DLG1: variants seen among roughly 807,000 people sequenced by gnomAD.
The protein encoded by DLG1 is disks large homolog 1.
Under a neutral mutation model 123.4 loss-of-function variants are expected in DLG1, and 42 were observed. The observed-to-expected ratio is 0.34, with a 90% CI of 0.27 to 0.44. The LOEUF is 0.44. Among genes scored for constraint, DLG1 ranks in the 20% least tolerant of loss-of-function variants. DLG1 has a pLI of 1.00. For synonymous variants in DLG1, 317 were observed against 356.2 expected, an observed-to-expected ratio of 0.89 and a Z score of 1.24; for missense variants, 942 against 1,082.6, an observed-to-expected ratio of 0.87 and a Z score of 1.82.
At chr3:197,171,268 C>T (rs1804053377) in intron 5 of DLG1, among the ~76,000 whole-genome samples, 1 of 152,104 alleles carries the variant, frequency 6.6e-6, no homozygotes, top group African/African-American at 2.4e-5. Flanking sequence ...TCAACGGGGG[C>T]CCAGTACCTT....
At chr3:197,183,589 T>C in intron 5 of DLG1, 1 of 1,550,454 alleles carries the variant, frequency 6.4e-7, no homozygotes, top group Non-Finnish European at 8.7e-7. Context: ...GTGGAGCTGG[T>C]GGCTACCGAG....
chr3:197,290,738 T>C (rs1340627612), intron 3 of DLG1, among the ~76,000 whole-genome samples: 1 of 151,336 alleles, frequency 6.6e-6, no homozygotes, highest in Non-Finnish European at 1.5e-5. Flanking sequence ...AACACCTGTC[T>C]CTAGAAAAAG....
intron 4 of DLG1, among the ~76,000 whole-genome samples, chr3:197,265,019 C>T (rs943449517): frequency 1.3e-5 from 2 of 152,146 alleles, no homozygotes; most frequent in Non-Finnish European, 2.9e-5. Flanking sequence ...GGTTTTAAGG[C>T]TGTACTCAGG....
At chr3:197,135,702 T>C (rs918357209) in intron 10 of DLG1, among the ~76,000 whole-genome samples, 2 of 152,088 alleles carry the variant, frequency 1.3e-5, no homozygotes, top group Non-Finnish European at 2.9e-5. Flanking sequence ...TAAAGCAATA[T>C]TGAGTGAAAA....
At chr3:197,065,840 T>C (rs765431066) in intron 20 of DLG1, 31 bp from the exon 21 acceptor site, 11 of 1,281,720 alleles carry the variant, frequency 8.6e-6, no homozygotes, top group Non-Finnish European at 1.2e-5. Flanking sequence ...TTAAAAGGAA[T>C]AAACATTCAA....
At chr3:197,219,750 A>G (rs2150490181) in intron 4 of DLG1, among the ~76,000 whole-genome samples, 1 of 152,316 alleles carries the variant, frequency 6.6e-6, no homozygotes, top group South Asian at 2.1e-4. Context: ...ATATGCATGC[A>G]CGGAGGAAAG....
Position 197,069,998 on chromosome 3 carries a change from A to AGG in DLG1, c.2006-739_2006-738insCC, listed in dbSNP as rs1742502951. ...CTGGCTGGCTTTTGCAAAACATAAA[A>AGG]AAGACAATGAGAACAAACACACCCA... On this transcript the variant is annotated intron_variant, in intron 18 of 24. Transcript: ENST00000667157. 28 of 152,174 alleles carry AGG rather than the reference A, an allele frequency of 1.8e-4. 1 individual carries two copies. The highest frequency in any genetic ancestry group is 1.8e-3 in the Admixed American group (28 of 15,278). 9.4% of individuals were successfully genotyped at this position (152,174 alleles called of 1,614,324 possible).
intron 4 of DLG1, chr3:197,226,420 T>A (rs10461048): frequency 0.24 from 36,743 of 152,142 alleles, 5,628 homozygotes; most frequent in East Asian, 0.71. Context: ...GGGGCAAAGA[T>A]GTTGCAGCAA....
chr3:197,068,973 T>C (rs1741604751), intron 19 of DLG1, among the ~76,000 whole-genome samples: 1 of 151,122 alleles, frequency 6.6e-6, no homozygotes, highest in South Asian at 2.1e-4. Flanking sequence ...AAAAAATACA[T>C]ATACATATAC....
intron 1 of DLG1, chr3:197,298,235 CTTCGGGT>C: frequency 2.9e-6 from 1 of 340,770 alleles, no homozygotes; most frequent in Non-Finnish European, 5.3e-6. Context: ...GCGCTGCTAC[CTTCGGGT>C]TGGAAGGGGG....
At chr3:197,127,517 CGTAA>C (rs1253190265) in intron 11 of DLG1, among the ~76,000 whole-genome samples, 4 of 104,724 alleles carry the variant, frequency 3.8e-5, no homozygotes, top group Non-Finnish European at 7.5e-5. Flanking sequence ...CCTAAAAATA[CGTAA>C]GTACTTTAAG....
chr3:197,189,437 T>C (rs1028987789), intron 5 of DLG1, among the ~76,000 whole-genome samples: 5 of 152,344 alleles, frequency 3.3e-5, no homozygotes, highest in South Asian at 2.1e-4. Flanking sequence ...AAGTGTGATT[T>C]AGAAACAAAT....
intron 6 of DLG1, among the ~76,000 whole-genome samples, chr3:197,148,411 GAAAAAAAA>G (rs780479244): frequency 7.0e-5 from 3 of 42,894 alleles, no homozygotes; most frequent in African/African-American, 1.6e-4. Flanking sequence ...ACTGTCTCAA[GAAAAAAAA>G]AAAAAAAAAA....
At chr3:197,198,242 C>G (rs1367219199) in intron 4 of DLG1, among the ~76,000 whole-genome samples, 1 of 152,154 alleles carries the variant, frequency 6.6e-6, no homozygotes, top group African/African-American at 2.4e-5. Flanking sequence ...GTAATCCCAG[C>G]CTTTCGGGAG....
At chr3:197,157,791 TTAC>T (rs1279679021) in intron 5 of DLG1, among the ~76,000 whole-genome samples, 1 of 152,116 alleles carries the variant, frequency 6.6e-6, no homozygotes, top group African/African-American at 2.4e-5. Flanking sequence ...ATTCCAAAAC[TTAC>T]TACAAAGTTA....
chr3:197,271,981 C>T (rs751794971), intron 4 of DLG1, among the ~76,000 whole-genome samples: 45 of 152,052 alleles, frequency 3.0e-4, no homozygotes, highest in Non-Finnish European at 5.9e-4. Context: ...CATCTACCAG[C>T]GACTTTAGTT....
chr3:197,220,375 A>C (rs1736337585), intron 4 of DLG1, among the ~76,000 whole-genome samples: 1 of 152,170 alleles, frequency 6.6e-6, no homozygotes, highest in Non-Finnish European at 1.5e-5. Flanking sequence ...TAAGTATATA[A>C]AGTGTGAAAA....
intron 14 of DLG1, among the ~76,000 whole-genome samples, chr3:197,091,644 CA>C (rs1757783234): frequency 1.3e-5 from 2 of 151,938 alleles, no homozygotes; most frequent in Admixed American, 6.6e-5. Flanking sequence ...ATTTTTTATA[CA>C]AAAATATGAT....
At chr3:197,050,657 G>A (rs913944093) in intron 24 of DLG1, among the ~76,000 whole-genome samples, 1 of 152,130 alleles carries the variant, frequency 6.6e-6, no homozygotes, top group East Asian at 1.9e-4. Flanking sequence ...TGGTTTCCAG[G>A]GACTGCAGAG....
Sources: gnomAD v4.1 joint callset for allele counts (sites outside exome capture counted in the v4.1 genomes callset) on GRCh38, gnomAD v4.1.1 for gene constraint, MANE v1.5 for transcripts, NCBI Gene and HGNC (gene_info 2026-07-23, HGNC 2026-07-21) for gene names.